AP3M1: variants seen among roughly 807,000 people sequenced by gnomAD.
AP3M1 encodes the protein AP-3 complex subunit mu-1.
A neutral mutation model predicts 42.6 loss-of-function variants in AP3M1; 29 were observed. The ratio of observed to expected loss-of-function variants is 0.68; its 90% CI spans 0.51 to 0.93. The LOEUF (loss-of-function observed/expected upper bound fraction) is 0.93. Ranked by LOEUF, AP3M1 falls within the 40% of genes least tolerant of loss-of-function variation. AP3M1 has a pLI of 0.00. For synonymous variants in AP3M1, 178 were observed against 175.3 expected (o/e 1.02, Z -0.12); for missense variants, 416 against 510.2 (o/e 0.82, Z 1.78).
chr10:74,121,513 G>C lies in AP3M1; in HGVS notation c.*2297C>G, dbSNP rs891222574. On this transcript the variant is annotated 3_prime_UTR_variant, in exon 9 of 9. Coordinates refer to ENST00000355264, the MANE Select transcript of AP3M1 (RefSeq NM_012095.6). The stretch of plus-strand genomic sequence containing the variant: ...GAAATCTTTGTTATCAGTAGGTGGT[G>C]GTAGTGATAGGGAAGGGAGCTTTGA... The C allele has an allele frequency of 6.6e-6, 1 of 152,188 alleles. No homozygotes were observed. Among genetic ancestry groups the C allele is most frequent in the African/African-American group, 2.4e-5 (1 of 41,440 alleles). 9.4% of individuals were successfully genotyped at this position (152,188 alleles called of 1,614,324 possible).
chr10:74,142,945 C>T (rs1342164099), intron 1 of AP3M1, among the ~76,000 whole-genome samples: 1 of 152,208 alleles, frequency 6.6e-6, no homozygotes, highest in Non-Finnish European at 1.5e-5. Context: ...TAATGTATGA[C>T]TTCAAGTGGA....
chr10:74,124,285 T>C (rs1840551793), intron 8 of AP3M1, 95 bp downstream of exon 8: 1 of 1,465,114 alleles, frequency 6.8e-7, no homozygotes, highest in African/African-American at 1.4e-5. Context: ...TACTGCTCTT[T>C]CTAGAGAAGG....
Position 74,138,105 on chromosome 10 carries a change from A to C in AP3M1, c.273+2T>G. 6.2e-7 allele frequency: 1 copy of C among 1,612,374 alleles called. No individual in the cohort carries two copies. The highest frequency in any genetic ancestry group is 8.5e-7 in the Non-Finnish European group (1 of 1,179,036). ...CTTAGAAAGGTATGATAGATAACCA[A>C]CCTGAAAAGTGTCAGCAACTCGATG... On this transcript the variant is annotated splice_donor_variant, in intron 2 of 8. Transcript: ENST00000355264. LOFTEE classifies it high-confidence loss of function.
At chr10:74,130,646 T>A (rs1840754357) in intron 4 of AP3M1, among the ~76,000 whole-genome samples, 2 of 152,008 alleles carry the variant, frequency 1.3e-5, no homozygotes. Context: ...TCTTGTTATG[T>A]TGCCCAGGCT....
intron 5 of AP3M1, among the ~76,000 whole-genome samples, 163 bp downstream of exon 5, chr10:74,129,744 G>T (rs949502325): frequency 6.6e-6 from 1 of 152,120 alleles, no homozygotes; most frequent in African/African-American, 2.4e-5. Context: ...CAAAGACCAC[G>T]CTCATCATGT....
intron 4 of AP3M1, among the ~76,000 whole-genome samples, chr10:74,131,341 G>A (rs1426017042): frequency 6.6e-6 from 1 of 151,592 alleles, no homozygotes; most frequent in African/African-American, 2.4e-5. Context: ...CTAATTTTTT[G>A]TATTTTTAGT....
intron 4 of AP3M1, among the ~76,000 whole-genome samples, chr10:74,133,726 C>T (rs1283315585): frequency 8.9e-5 from 13 of 145,618 alleles, no homozygotes; most frequent in Non-Finnish European, 1.5e-5. Context: ...ATGATCTTGT[C>T]TCATTGCAAC....
intron 1 of AP3M1, among the ~76,000 whole-genome samples, chr10:74,144,475 C>T (rs1841268349): frequency 6.6e-6 from 1 of 151,956 alleles, no homozygotes; most frequent in African/African-American, 2.4e-5. Flanking sequence ...GCCTATATTG[C>T]CCAGGCTGAT....
At chr10:74,131,992 A>C (rs1348239730) in intron 4 of AP3M1, among the ~76,000 whole-genome samples, 1 of 152,106 alleles carries the variant, frequency 6.6e-6, no homozygotes, top group African/African-American at 2.4e-5. Context: ...GGCTTTCCTT[A>C]TGTGTAAAAT....
At chr10:74,135,714 T>A (rs1056911103) in intron 3 of AP3M1, among the ~76,000 whole-genome samples, 7 of 152,254 alleles carry the variant, frequency 4.6e-5, no homozygotes, top group Non-Finnish European at 8.8e-5. Flanking sequence ...AGTATGGAAT[T>A]GCTTTTTAAA....
Position 74,122,190 on chromosome 10 carries a change from G to A in AP3M1, c.*1620C>T, listed in dbSNP as rs560653272. On this transcript the variant is annotated 3_prime_UTR_variant, in exon 9 of 9. Transcript: ENST00000355264. ...TTCAGAAATTTGGAAGCTGCAAAAC[G>A]TTGCCTTTCTTATTCCATGAAAGGC... 15 of 152,252 alleles carry A rather than the reference G, an allele frequency of 9.9e-5. No homozygotes were observed. Among genetic ancestry groups the A allele is most frequent in the African/African-American group, 2.9e-4 (12 of 41,544 alleles). The allele number at this position is 152,252 out of a possible 1,614,324, so 9.4% of individuals were successfully genotyped here.
At chr10:74,143,207 C>T (rs949140390) in intron 1 of AP3M1, among the ~76,000 whole-genome samples, 5 of 152,190 alleles carry the variant, frequency 3.3e-5, no homozygotes, top group South Asian at 2.1e-4. Flanking sequence ...AAAAATTAGC[C>T]GGGCATGGTG....
intron 2 of AP3M1, 140 bp downstream of exon 2, chr10:74,137,967 A>C (rs1840997110): frequency 1.4e-5 from 12 of 863,878 alleles, no homozygotes; most frequent in Non-Finnish European, 1.9e-5. Context: ...TACCACACAG[A>C]AAAGGGCTTA....
At chr10:74,139,999 A>G (rs1180481855) in intron 1 of AP3M1, among the ~76,000 whole-genome samples, 2 of 152,090 alleles carry the variant, frequency 1.3e-5, no homozygotes, top group East Asian at 3.9e-4. Flanking sequence ...AAAAAGATCA[A>G]CAGCCAAAAC....
rs1188507862 is a variant in AP3M1, at chr10:74,129,118, T to A, written c.793A>T (p.Ser265Cys). 1 of 1,614,116 alleles carries A rather than the reference T, an allele frequency of 6.2e-7. No individual in the cohort carries two copies. Among genetic ancestry groups the A allele is most frequent in the African/African-American group, 1.3e-5 (1 of 75,046 alleles). Residue 265 changes from serine (S) to cysteine (C), a missense_variant, in exon 6 of 9, where the codon AGC becomes TGC. By Grantham distance (112) the Ser-to-Cys change is moderately radical. Transcript: ENST00000355264. Reference protein sequence around the residue: ...GNFRLISYRVSSQNLVAIPVY... With the variant: ...GNFRLISYRVCSQNLVAIPVY... Reference sequence around the variant, plus strand: ...GATGCATCAACATACTTTTGTGAGCTGACACGGTATGATATGAGTCGGAAA... The same window carrying A: ...GATGCATCAACATACTTTTGTGAGCAGACACGGTATGATATGAGTCGGAAA...
At position 74,128,124 on chromosome 10, in the gene AP3M1, AG is replaced by A. The variant is rs1554821207; in HGVS notation, c.803+983del. Among the ~76,000 whole-genome samples, 297 of 137,612 alleles carry A rather than the reference AG, an allele frequency of 2.2e-3. 3 individuals carry two copies. Among genetic ancestry groups the A allele is most frequent in the African/African-American group, 5.3e-3 (187 of 35,048 alleles). The allele number at this position is 137,612 out of a possible 152,430, so 90.3% of individuals were successfully genotyped here. Reference sequence around the variant, plus strand: ...TTAAAAAAAAAAAAAAAAAAAAAAAAGGAAAAGAAAAGAGCCGAGAAATAAT... The same window carrying A: ...TTAAAAAAAAAAAAAAAAAAAAAAAAGAAAAGAAAAGAGCCGAGAAATAAT... On this transcript the variant is annotated intron_variant, in intron 6 of 8. Transcript: ENST00000355264.
chr10:74,130,312 G>C (rs932231436), intron 4 of AP3M1, among the ~76,000 whole-genome samples: 7 of 152,138 alleles, frequency 4.6e-5, no homozygotes, highest in African/African-American at 1.7e-4. Flanking sequence ...CTATTAACAG[G>C]TCAGGGGACA....
intron 1 of AP3M1, among the ~76,000 whole-genome samples, chr10:74,141,567 T>C (rs1267396270): frequency 1.3e-5 from 2 of 152,154 alleles, no homozygotes; most frequent in Non-Finnish European, 1.5e-5. Context: ...TGCAAAAGAA[T>C]ATACACAGTA....
chr10:74,145,486 G>A (rs938753699), intron 1 of AP3M1, among the ~76,000 whole-genome samples: 1 of 152,130 alleles, frequency 6.6e-6, no homozygotes, highest in African/African-American at 2.4e-5. Context: ...TTATGACCAA[G>A]GTCTAATGCA....
Sources: gnomAD v4.1 joint callset for allele counts (sites outside exome capture counted in the v4.1 genomes callset) on GRCh38, gnomAD v4.1.1 for gene constraint, MANE v1.5 for transcripts, NCBI Gene and HGNC (gene_info 2026-07-23, HGNC 2026-07-21) for gene names.